SEC14L1: variants seen among roughly 807,000 people sequenced by gnomAD.
The protein encoded by SEC14L1 is SEC14-like protein 1.
SEC14L1 carries 48 observed loss-of-function variants against 85.3 expected under a neutral mutation model. The observed-to-expected ratio is 0.56, with a 90% confidence interval of 0.45 to 0.72. SEC14L1 has a LOEUF of 0.72. Among genes scored for constraint, SEC14L1 ranks in the 30% least tolerant of loss-of-function variants. The pLI, the probability that SEC14L1 is intolerant of heterozygous loss-of-function variation, is 0.00. For synonymous variants in SEC14L1, 391 were observed against 355.5 expected, an observed-to-expected ratio of 1.10 and a Z score of -1.12; for missense variants, 682 against 921.4, an observed-to-expected ratio of 0.74 and a Z score of 3.36.
chr17:77,173,514 T>TG (rs1974615223), intron 3 of SEC14L1, among the ~76,000 whole-genome samples: 1 of 152,018 alleles, frequency 6.6e-6, no homozygotes, highest in South Asian at 2.1e-4. Flanking sequence ...TTATTCTTAC[T>TG]GGCTTTGAGG....
intron 3 of SEC14L1, among the ~76,000 whole-genome samples, chr17:77,179,780 T>C (rs1974929170): frequency 6.6e-6 from 1 of 151,936 alleles, no homozygotes; most frequent in African/African-American, 2.4e-5. Flanking sequence ...GTTCATGCCA[T>C]TCTCCTGCCT....
chr17:77,170,932 T>TTA (rs1261324777), intron 3 of SEC14L1, among the ~76,000 whole-genome samples: 1 of 152,142 alleles, frequency 6.6e-6, no homozygotes, highest in East Asian at 1.9e-4. Flanking sequence ...TAACTACATG[T>TTA]TTAGCTGTTG....
chr17:77,091,441 G>C (rs1309031507), intron 2 of SEC14L1, among the ~76,000 whole-genome samples: 4 of 152,172 alleles, frequency 2.6e-5, no homozygotes, highest in Admixed American at 2.6e-4. Flanking sequence ...AATTGCAAAA[G>C]AGCACTATGT....
At position 77,211,993 on chromosome 17, in the gene SEC14L1, A is replaced by G. The variant is rs780492684; in HGVS notation, c.1655A>G (p.Asp552Gly). 6.2e-7 allele frequency: 1 copy of G among 1,614,006 alleles called. No homozygotes were observed. ...IVDASSVITWDFDVCKGDIVF... is the reference protein window; with the variant it reads ...IVDASSVITWGFDVCKGDIVF... ...GATGCCTCGTCAGTCATCACTTGGG[A>G]TTTCGACGTGTGCAAAGGGGACATT... Residue 552 changes from aspartate to glycine, a missense_variant, in exon 15 of 17, where the codon GAT becomes GGT. By Grantham distance (94) the Asp-to-Gly change is moderately conservative (BLOSUM62 -1). This residue lies in a region of SEC14L1 where 420 missense variants were observed against 619.5 expected (regional missense o/e 0.68). Transcript: ENST00000436233.
At chr17:77,167,773 G>C (rs1974348705) in intron 3 of SEC14L1, among the ~76,000 whole-genome samples, 2 of 152,194 alleles carry the variant, frequency 1.3e-5, no homozygotes, top group Admixed American at 6.5e-5. Flanking sequence ...GCAGTTTTTA[G>C]TGGGGAGGGT....
chr17:77,200,394 C>T, intron 8 of SEC14L1, 90 bp from the exon 9 acceptor site: 4 of 1,012,654 alleles, frequency 4.0e-6, no homozygotes, highest in African/African-American at 1.6e-5. Flanking sequence ...GTCTTGAACT[C>T]CTGAGCTCAA....
intron 1 of SEC14L1, among the ~76,000 whole-genome samples, chr17:77,142,208 T>C (rs774341343): frequency 3.3e-5 from 5 of 152,190 alleles, no homozygotes; most frequent in Admixed American, 6.5e-5. Flanking sequence ...TTTTCCACCA[T>C]GACCTCTCCT....
chr17:77,186,550 G>T (rs572633421), intron 3 of SEC14L1, among the ~76,000 whole-genome samples: 2 of 152,334 alleles, frequency 1.3e-5, no homozygotes, highest in Admixed American at 6.5e-5. Flanking sequence ...ATGGTCCCTT[G>T]TGCGTAGGCA....
chr17:77,200,798 G>C (rs914358008), intron 9 of SEC14L1, 125 bp downstream of exon 9: 2 of 903,620 alleles, frequency 2.2e-6, no homozygotes. Flanking sequence ...TCCTCACTCT[G>C]AGAATTTGGC....
intron 6 of SEC14L1, 72 bp from the exon 7 acceptor site, chr17:77,194,605 A>G (rs1410706979): frequency 7.8e-7 from 1 of 1,276,268 alleles, no homozygotes; most frequent in East Asian, 2.3e-5. Context: ...AGAAAAAAAG[A>G]AAAATCTTGG....
chr17:77,164,917 A>G (rs899330174), intron 3 of SEC14L1, among the ~76,000 whole-genome samples: 4 of 152,342 alleles, frequency 2.6e-5, no homozygotes, highest in African/African-American at 7.2e-5. Context: ...TCAGGCCACA[A>G]TGGAGCTGAG....
In SEC14L1 at chr17:77,213,770, A is replaced by G. The variant is rs1465758808; in HGVS notation, c.2043-148A>G. On this transcript the variant is annotated intron_variant, in intron 16 of 16. Transcript: ENST00000436233. This position sits in a 1 kb window ranked among gnomAD's most constrained non-coding sequence, Gnocchi z 7.1. ...GGGAAGCCGGTCCCCCTGGTGGGTT[A>G]CTCATGTCCATCCCCCGTTTGCAAG... 8.5e-6 allele frequency: 9 copies of G among 1,058,104 alleles called. No individual in the cohort carries two copies. Among genetic ancestry groups the G allele is most frequent in the Non-Finnish European group, 1.3e-5 (9 of 699,580 alleles). The allele number at this position is 1,058,104 out of a possible 1,614,324, so 65.5% of individuals were successfully genotyped here.
intron 3 of SEC14L1, among the ~76,000 whole-genome samples, chr17:77,175,776 G>T (rs1022789237): frequency 7.2e-5 from 11 of 152,126 alleles, no homozygotes; most frequent in Non-Finnish European, 8.8e-5. Flanking sequence ...CCTGGGTCTC[G>T]GCTGTGCCTG....
Position 77,215,456 on chromosome 17 carries a change from C to T in SEC14L1, c.*1433C>T, listed in dbSNP as rs1036848706. On this transcript the variant is annotated 3_prime_UTR_variant, in exon 17 of 17. Coordinates refer to ENST00000436233, the MANE Select transcript of SEC14L1 (RefSeq NM_001143998.2). ...AGATCCTGGTTGTGCCGTCTCAGCT[C>T]CGCTCTGAAGGCACTGTGTGGGTGC... 29 of 985,448 alleles carry T rather than the reference C, an allele frequency of 2.9e-5. No individual in the cohort carries two copies. Among genetic ancestry groups the T allele is most frequent in the South Asian group, 4.7e-5 (1 of 21,316 alleles). 61.0% of individuals were successfully genotyped at this position (985,448 alleles called of 1,614,324 possible). A position where few individuals can be genotyped will look rare whatever the true frequency, so the allele number is the denominator to read the frequency against.
At chr17:77,205,067 A>G in intron 10 of SEC14L1, 1 of 534,640 alleles carries the variant, frequency 1.9e-6, no homozygotes. Context: ...GCCACACATG[A>G]CAGTGTTTAT....
chr17:77,158,168 G>A (rs1332634055), intron 3 of SEC14L1, among the ~76,000 whole-genome samples: 1 of 152,192 alleles, frequency 6.6e-6, no homozygotes, highest in African/African-American at 2.4e-5. Context: ...GATTACAGGC[G>A]TGAGCCATCG....
chr17:77,197,794 C>T (rs1359725842), intron 8 of SEC14L1, among the ~76,000 whole-genome samples: 2 of 152,106 alleles, frequency 1.3e-5, no homozygotes, highest in African/African-American at 2.4e-5. Context: ...TAGTAGAGAA[C>T]AGGGTTCCAC....
chr17:77,191,464 T>A, intron 5 of SEC14L1, 152 bp downstream of exon 5: 1 of 875,362 alleles, frequency 1.1e-6, no homozygotes, highest in Non-Finnish European at 1.8e-6. Context: ...GGAGGAAGGG[T>A]AGCAGGTGTG....
At position 77,194,910 on chromosome 17, in the gene SEC14L1, C is replaced by CCAG. The variant is rs1173341449; in HGVS notation, c.708_709insCAG (p.Asp236_Asp237insGln). On this transcript the variant is annotated inframe_insertion and splice_region_variant, in exon 7 of 17. Transcript: ENST00000436233. ...CTGAGCCCGTGGTGGGCACCCCTGA[C>CCAG]GGTGGGTCTGGCAGGGGCTTCATCC... 1 of 1,611,808 alleles carries CCAG rather than the reference C, an allele frequency of 6.2e-7. No individual in the cohort carries two copies. The highest frequency in any genetic ancestry group is 2.2e-5 in the East Asian group (1 of 44,870).
Sources: gnomAD v4.1 joint callset for allele counts (sites outside exome capture counted in the v4.1 genomes callset) on GRCh38, gnomAD v4.1.1 for gene constraint, gnomAD v4.1.1 regional missense constraint, Gnocchi (gnomAD v3.1) non-coding constraint, MANE v1.5 for transcripts, NCBI Gene and HGNC (gene_info 2026-07-23, HGNC 2026-07-21) for gene names.